CTNNA2: variants seen among roughly 807,000 people sequenced by gnomAD.
CTNNA2 encodes catenin alpha-2.
CTNNA2 carries 42 observed loss-of-function variants against 101.0 expected under a neutral mutation model. The observed-to-expected ratio is 0.42, with a 90% CI of 0.32 to 0.54. CTNNA2 has a LOEUF of 0.54. Among genes scored for constraint, CTNNA2 ranks in the 20% least tolerant of loss-of-function variants. The pLI is 0.14. For synonymous variants in CTNNA2, 450 were observed against 456.4 expected, an observed-to-expected ratio of 0.99 and a Z score of 0.18; for missense variants, 871 against 1,223.1, an observed-to-expected ratio of 0.71 and a Z score of 4.29.
intron 7 of CTNNA2, among the ~76,000 whole-genome samples, chr2:80,387,394 T>C (rs1677118925): frequency 6.6e-6 from 1 of 152,212 alleles, no homozygotes; most frequent in Non-Finnish European, 1.5e-5. Context: ...TTATTCAGCA[T>C]GTTTATATAA....
At chr2:79,501,929 T>TAGC (rs917575661) in intron 4 of CTNNA2, among the ~76,000 whole-genome samples, 1 of 151,722 alleles carries the variant, frequency 6.6e-6, no homozygotes, top group Admixed American at 6.6e-5. Context: ...TTTCTATTGC[T>TAGC]AGCAGAAATA....
At chr2:80,636,659 A>T (rs1672914788) in intron 18 of CTNNA2, among the ~76,000 whole-genome samples, 1 of 152,118 alleles carries the variant, frequency 6.6e-6, no homozygotes, top group Non-Finnish European at 1.5e-5. Flanking sequence ...AATTTGGGGA[A>T]TTTAAGGTCC....
At position 79,651,412 on chromosome 2, in the gene CTNNA2, T is replaced by A. The variant is rs1681240138; in HGVS notation, c.-5-140T>A. On this transcript the variant is annotated intron_variant, in intron 1 of 18. Transcript: ENST00000402739. ...ACAGTGTACTGGTCTGGTTTTTCCA[T>A]CTCTAATTTGACCAGGTTGGACCAG... is the stretch of plus-strand genomic sequence containing the variant. The A allele has an allele frequency of 2.3e-5, 17 of 747,078 alleles. No individual in the cohort carries two copies. The South Asian group carries it at 3.0e-4, about 13-fold the overall frequency. The allele number at this position is 747,078 out of a possible 1,614,324, so 46.3% of individuals were successfully genotyped here. A position where few individuals can be genotyped will look rare whatever the true frequency, so the allele number is the denominator to read the frequency against.
At chr2:79,790,032 C>T (rs1178950149) in intron 3 of CTNNA2, among the ~76,000 whole-genome samples, 2 of 152,102 alleles carry the variant, frequency 1.3e-5, no homozygotes. Flanking sequence ...CAAGAAAGAG[C>T]ACCTCAGGGA....
chr2:80,314,743 G>T (rs1477643113), intron 7 of CTNNA2, among the ~76,000 whole-genome samples: 1 of 152,146 alleles, frequency 6.6e-6, no homozygotes, highest in Admixed American at 6.5e-5. Context: ...TCTGAAGAGG[G>T]TTTGCCATTG....
chr2:80,610,922 A>T (rs1179947335), intron 17 of CTNNA2, among the ~76,000 whole-genome samples: 2 of 151,614 alleles, frequency 1.3e-5, no homozygotes, highest in Non-Finnish European at 3.0e-5. Flanking sequence ...GGAGAAATAA[A>T]GCAGTCCAGG....
At chr2:79,834,778 A>T (rs1679189614) in intron 3 of CTNNA2, among the ~76,000 whole-genome samples, 1 of 152,084 alleles carries the variant, frequency 6.6e-6, no homozygotes, top group Non-Finnish European at 1.5e-5. Context: ...ATTTTTTTCT[A>T]ACCCAATATC....
chr2:79,318,217 C>T (rs1676541342), intron 3 of CTNNA2, among the ~76,000 whole-genome samples: 1 of 151,900 alleles, frequency 6.6e-6, no homozygotes, highest in African/African-American at 2.4e-5. Flanking sequence ...CATATATACC[C>T]ACATGTATTG....
At chr2:79,899,002 A>G (rs975897822) in intron 6 of CTNNA2, among the ~76,000 whole-genome samples, 1 of 152,170 alleles carries the variant, frequency 6.6e-6, no homozygotes, top group African/African-American at 2.4e-5. Flanking sequence ...GGGAAGGAGG[A>G]GTATGAATAG....
chr2:80,278,250 C>T (rs916921322), intron 7 of CTNNA2, among the ~76,000 whole-genome samples: 7 of 152,052 alleles, frequency 4.6e-5, no homozygotes, highest in African/African-American at 9.7e-5. Context: ...ATTAAGGGAC[C>T]GTGTCTGTTA....
chr2:79,669,423 TG>T (rs1682667050), intron 2 of CTNNA2, among the ~76,000 whole-genome samples: 1 of 152,186 alleles, frequency 6.6e-6, no homozygotes. Context: ...GAAACCTCTG[TG>T]GCCAAAACAC....
At chr2:80,000,583 T>C (rs1692875359) in intron 7 of CTNNA2, among the ~76,000 whole-genome samples, 1 of 152,128 alleles carries the variant, frequency 6.6e-6, no homozygotes, top group African/African-American at 2.4e-5. Flanking sequence ...TCAATTAACA[T>C]CCTCTCCAAA....
chr2:79,187,239 T>C (rs983855044), intron 1 of CTNNA2, among the ~76,000 whole-genome samples: 1 of 94,722 alleles, frequency 1.1e-5, no homozygotes, highest in Non-Finnish European at 2.2e-5. Context: ...CACTTCTTTT[T>C]CTTTTCTTTT....
intron 7 of CTNNA2, among the ~76,000 whole-genome samples, chr2:80,226,373 A>G (rs1284850652): frequency 6.6e-6 from 1 of 152,224 alleles, no homozygotes; most frequent in Non-Finnish European, 1.5e-5. Context: ...GAGTGTTACC[A>G]GAGGTTCAAG....
intron 3 of CTNNA2, among the ~76,000 whole-genome samples, chr2:79,804,650 A>T (rs796799286): frequency 7.3e-6 from 1 of 137,014 alleles, no homozygotes; most frequent in Non-Finnish European, 1.7e-5. Context: ...GTAACCTACT[A>T]TTTTTTTTAT....
chr2:80,532,603 T>G (rs1255296680), intron 9 of CTNNA2, among the ~76,000 whole-genome samples: 2 of 152,168 alleles, frequency 1.3e-5, no homozygotes. Context: ...AAATTAAACT[T>G]TATCGTAGGT....
intron 2 of CTNNA2, among the ~76,000 whole-genome samples, chr2:79,669,335 G>A (rs957683436): frequency 6.6e-6 from 1 of 152,128 alleles, no homozygotes; most frequent in Non-Finnish European, 1.5e-5. Flanking sequence ...CTTGTTGAAA[G>A]AAAATAAAAT....
At chr2:79,961,961 A>G (rs557188920) in intron 7 of CTNNA2, among the ~76,000 whole-genome samples, 4 of 152,304 alleles carry the variant, frequency 2.6e-5, no homozygotes, top group Middle Eastern at 3.4e-3. Context: ...CTCCAAAGGT[A>G]TAATTTAAAG....
chr2:79,241,278 T>A (rs1056293735), intron 2 of CTNNA2, among the ~76,000 whole-genome samples: 1 of 152,150 alleles, frequency 6.6e-6, no homozygotes, highest in African/African-American at 2.4e-5. Flanking sequence ...CATATGGCAA[T>A]TGAAGAAATA....
Sources: gnomAD v4.1 joint callset for allele counts (sites outside exome capture counted in the v4.1 genomes callset) on GRCh38, gnomAD v4.1.1 for gene constraint, MANE v1.5 for transcripts, NCBI Gene and HGNC (gene_info 2026-07-23, HGNC 2026-07-21) for gene names.